The following GOLGA4 variants were observed in gnomAD, a reference collection of about 807,000 sequenced individuals.
GOLGA4 encodes the protein golgin A4, also known as golgin subfamily A member 4.
A neutral mutation model predicts 265.9 loss-of-function variants in GOLGA4; 169 were observed. That is an observed-to-expected ratio of 0.64 (90% CI 0.56 to 0.72). The LOEUF (loss-of-function observed/expected upper bound fraction) is 0.72. Among genes scored for constraint, GOLGA4 ranks in the 30% least tolerant of loss-of-function variants. The pLI is 0.00. For missense variants in GOLGA4, 2,482 were observed against 2,483.4 expected (o/e 1.00, Z 0.01); for synonymous variants, 923 against 855.8 (o/e 1.08, Z -1.37).
At chr3:37,284,325 C>T (rs747065309) in intron 3 of GOLGA4, among the ~76,000 whole-genome samples, 1 of 152,010 alleles carries the variant, frequency 6.6e-6, no homozygotes, top group East Asian at 1.9e-4. Context: ...AGTTCAGTGG[C>T]GTGATCTCGG....
chr3:37,286,890 G>T (rs1376506740), intron 4 of GOLGA4, among the ~76,000 whole-genome samples: 1 of 152,158 alleles, frequency 6.6e-6, no homozygotes. Flanking sequence ...TATATTCAGG[G>T]TGACCCACCT....
At chr3:37,315,648 G>A (rs1201274639) in intron 11 of GOLGA4, 50 bp downstream of exon 11, 5 of 1,460,816 alleles carry the variant, frequency 3.4e-6, no homozygotes, top group Middle Eastern at 1.7e-4. Context: ...TGAAATTTAA[G>A]TGTATTTTTC....
intron 10 of GOLGA4, among the ~76,000 whole-genome samples, chr3:37,304,390 C>T (rs910484248): frequency 2.0e-5 from 3 of 152,138 alleles, no homozygotes; most frequent in African/African-American, 7.2e-5. Context: ...TGAATTTGTT[C>T]TCATCAAACC....
chr3:37,296,273 C>T (rs540992418), intron 7 of GOLGA4, 54 bp downstream of exon 7: 958 of 1,569,684 alleles, frequency 6.1e-4, no homozygotes, highest in Middle Eastern at 1.2e-3. Context: ...GAGCCAGGCT[C>T]CTTGGCTTAC....
chr3:37,293,168 A>T (rs2096869377), intron 5 of GOLGA4, among the ~76,000 whole-genome samples: 1 of 152,222 alleles, frequency 6.6e-6, no homozygotes, highest in Admixed American at 6.5e-5. Context: ...TCTGTCTAGA[A>T]GGCTATTGAA....
At chr3:37,273,674 G>A (rs1196038662) in intron 2 of GOLGA4, 18 of 775,404 alleles carry the variant, frequency 2.3e-5, no homozygotes, top group South Asian at 1.3e-4. Flanking sequence ...TTAATTATTA[G>A]CATCTGACTT....
At chr3:37,269,783 T>C (rs2096793147) in intron 2 of GOLGA4, among the ~76,000 whole-genome samples, 1 of 152,096 alleles carries the variant, frequency 6.6e-6, no homozygotes, top group African/African-American at 2.4e-5. Context: ...TATTTAGATA[T>C]GTGGTTTAGT....
rs138642385 is a variant in GOLGA4, at chr3:37,251,438, C to G, written c.116C>G (p.Thr39Arg). ...SSTPTRMRSR[T>R]SSFTEQLDEG... Reference sequence around the variant, plus strand: ...ACACCAACAAGAATGAGGAGCAGGACATCTTCATTTACAGAGCAACTTGAT... The same window carrying G: ...ACACCAACAAGAATGAGGAGCAGGAGATCTTCATTTACAGAGCAACTTGAT... Residue 39 changes from threonine (T) to arginine (R), a missense_variant, in exon 2 of 24, where the codon ACA becomes AGA. Coordinates refer to ENST00000361924, the MANE Select transcript of GOLGA4 (RefSeq NM_002078.5). 10 of 1,612,988 alleles carry G rather than the reference C, an allele frequency of 6.2e-6. No individual in the cohort carries two copies. In the African/African-American group the frequency reaches 1.3e-4, roughly 22 times the overall value.
rs188566947 is a variant in GOLGA4, at chr3:37,277,221, G to A, written c.163-4737G>A. Among the ~76,000 whole-genome samples the A allele has an allele frequency of 4.9e-3, 740 of 152,254 alleles. 2 individuals carry two copies. Among genetic ancestry groups the A allele is most frequent in the Middle Eastern group, 0.01 (3 of 294 alleles). ...TCATCTCTTGTAATTTCTTGTACAT[G>A]TATATTACTTGTTCTTAATAGATTT... On this transcript the variant is annotated intron_variant, in intron 2 of 23. Transcript: ENST00000361924.
In GOLGA4 at chr3:37,325,694, A is replaced by G; in HGVS notation, c.3808A>G (p.Thr1270Ala). Reference sequence around the variant, plus strand: ...GGAGGCACTGTTAATTAAAACTTGCACAGTTTCTGAATTAGAAGCACAACT... The same window carrying G: ...GGAGGCACTGTTAATTAAAACTTGCGCAGTTTCTGAATTAGAAGCACAACT... ...VKEALLIKTCTVSELEAQLRQ... is the reference protein window; with the variant it reads ...VKEALLIKTCAVSELEAQLRQ... Residue 1270 changes from threonine (T) to alanine (A), a missense_variant, in exon 14 of 24, where the codon ACA becomes GCA. Coordinates refer to ENST00000361924, the MANE Select transcript of GOLGA4 (RefSeq NM_002078.5). The G allele has an allele frequency of 6.2e-7, 1 of 1,613,676 alleles. No individual in the cohort carries two copies. Among genetic ancestry groups the G allele is most frequent in the Non-Finnish European group, 8.5e-7 (1 of 1,179,560 alleles).
In GOLGA4 at chr3:37,255,740, TAAAAA is replaced by T. The variant is rs775287913; in HGVS notation, c.162+4260_162+4264del. On this transcript the variant is annotated intron_variant, in intron 2 of 23. Coordinates refer to ENST00000361924, the MANE Select transcript of GOLGA4 (RefSeq NM_002078.5). ...TGAGCTAAATTTCCACATTTTCTTT[TAAAAA>T]AAAGCATTTTTTTTTTTTGTTTTTT... Among the ~76,000 whole-genome samples, 28 of 117,984 alleles carry T rather than the reference TAAAAA, an allele frequency of 2.4e-4. No homozygotes were observed. The Admixed American group carries it at 3.0e-3, about 13-fold the overall frequency. The allele number at this position is 117,984 out of a possible 152,430, so 77.4% of individuals were successfully genotyped here. A position where few individuals can be genotyped will look rare whatever the true frequency, so the allele number is the denominator to read the frequency against.
At chr3:37,338,750 C>T (rs1263477532) in intron 19 of GOLGA4, among the ~76,000 whole-genome samples, 1 of 152,146 alleles carries the variant, frequency 6.6e-6, no homozygotes, top group African/African-American at 2.4e-5. Context: ...CCATTACCTC[C>T]TCCCCGTAAC....
chr3:37,258,021 G>A (rs987396865), intron 2 of GOLGA4, among the ~76,000 whole-genome samples: 2 of 74,560 alleles, frequency 2.7e-5, no homozygotes, highest in African/African-American at 6.9e-5. Flanking sequence ...ATATATATAT[G>A]TATGTATATA....
chr3:37,328,492 G>C lies in GOLGA4; in HGVS notation c.6016G>C (p.Ala2006Pro), dbSNP rs1438373107. Residue 2006 changes from alanine to proline, a missense_variant, in exon 15 of 24, where the codon GCA (alanine) becomes CCA (proline). Physicochemically the swap from Ala to Pro is conservative, Grantham distance 27 (BLOSUM62 -1). Transcript: ENST00000361924. The part of the protein sequence containing the change: ...QLMREFNTQL[A>P]QKEQELEMTI... Reference sequence around the variant, plus strand: ...GATGAGGGAGTTTAATACACAGCTGGCACAAAAGGAACAAGAGCTGGAAAT... The same window carrying C: ...GATGAGGGAGTTTAATACACAGCTGCCACAAAAGGAACAAGAGCTGGAAAT... 1 of 1,612,360 alleles carries C rather than the reference G, an allele frequency of 6.2e-7. No homozygotes were observed. Among genetic ancestry groups the C allele is most frequent in the Non-Finnish European group, 8.5e-7 (1 of 1,178,842 alleles).
At chr3:37,330,677 C>G (rs1180781027) in intron 16 of GOLGA4, among the ~76,000 whole-genome samples, 1 of 152,128 alleles carries the variant, frequency 6.6e-6, no homozygotes, top group African/African-American at 2.4e-5. Context: ...AAGGGAGTGG[C>G]ATGGACTCTT....
intron 21 of GOLGA4, 120 bp downstream of exon 21, chr3:37,347,416 G>C (rs890120265): frequency 9.4e-6 from 5 of 534,368 alleles, no homozygotes; most frequent in Admixed American, 3.4e-5. Flanking sequence ...GCTAATAGTA[G>C]GTAATAGATA....
chr3:37,286,092 C>T lies in GOLGA4; in HGVS notation c.525+31C>T. 3.6e-6 allele frequency: 3 copies of T among 831,500 alleles called. No individual in the cohort carries two copies. The East Asian group carries it at 1.1e-4, about 31-fold the overall frequency. The allele number at this position is 831,500 out of a possible 1,614,324, so 51.5% of individuals were successfully genotyped here. ...TGATTTGTCAACTGCATTACTGAGT[C>T]ATAATTTTTAAATCAGAAAGATCTT... On this transcript the variant is annotated intron_variant, in intron 4 of 23. Transcript: ENST00000361924.
chr3:37,344,781 AC>A (rs2097050857), intron 20 of GOLGA4, among the ~76,000 whole-genome samples: 1 of 152,218 alleles, frequency 6.6e-6, no homozygotes, highest in Non-Finnish European at 1.5e-5. Flanking sequence ...CTTAATGCAT[AC>A]ATACACATTC....
At chr3:37,306,255 GAAAAC>G (rs766582282) in intron 10 of GOLGA4, among the ~76,000 whole-genome samples, 32 of 152,140 alleles carry the variant, frequency 2.1e-4, no homozygotes, top group East Asian at 1.5e-3. Flanking sequence ...AGTGGATAAA[GAAAAC>G]AAAAAATAAG....
Sources: allele counts gnomAD v4.1 joint callset (sites outside exome capture counted in the v4.1 genomes callset), GRCh38; gene constraint gnomAD v4.1.1; transcripts MANE v1.5; gene names NCBI Gene and HGNC (gene_info 2026-07-23, HGNC 2026-07-21).